OR56A3: variants seen among roughly 807,000 people sequenced by gnomAD.
OR56A3 encodes the protein olfactory receptor family 56 subfamily A member 3.
Under a neutral mutation model 17.5 loss-of-function variants are expected in OR56A3, and 23 were observed. The ratio of observed to expected loss-of-function variants is 1.32; its 90% CI spans 0.95 to 1.87. OR56A3 has a LOEUF of 1.87. OR56A3 is among the 40% of genes most tolerant of loss of function. The pLI is 0.00. For synonymous variants in OR56A3, 175 were observed against 150.6 expected (o/e 1.16, Z -1.19); for missense variants, 366 against 380.1 (o/e 0.96, Z 0.31).
At chr11:5,947,060 TA>T (rs137998845) in intron 2 of OR56A3, among the ~76,000 whole-genome samples, 32 of 151,862 alleles carry the variant, frequency 2.1e-4, no homozygotes, top group African/African-American at 7.7e-4. Context: ...TTAGTTTCTC[TA>T]AAAAAAACAA....
chr11:5,985,408 T>A, the OR56A3 span, among the ~76,000 whole-genome samples: 1 of 152,232 alleles, frequency 6.6e-6, no homozygotes, highest in Non-Finnish European at 1.5e-5. Context: ...CCACTTATGT[T>A]TGTTTTAAAT....
At chr11:5,971,512 C>CG in the OR56A3 span, among the ~76,000 whole-genome samples, 1 of 152,156 alleles carries the variant, frequency 6.6e-6, no homozygotes, top group Non-Finnish European at 1.5e-5. Context: ...TTATCTGATT[C>CG]AATTCCTCCT....
the OR56A3 span, chr11:5,985,954 G>A: frequency 5.6e-6 from 9 of 1,606,842 alleles, no homozygotes; most frequent in Non-Finnish European, 6.8e-6. Flanking sequence ...ATCCTTTTGT[G>A]TAAACACTCT....
chr11:5,986,717 A>T, the OR56A3 span: 2 of 1,613,964 alleles, frequency 1.2e-6, no homozygotes, highest in South Asian at 1.1e-5. Flanking sequence ...TGGTGCAAGG[A>T]TGGGTCCATC....
the OR56A3 span, among the ~76,000 whole-genome samples, chr11:5,972,207 G>A: frequency 2.6e-5 from 4 of 152,140 alleles, no homozygotes; most frequent in Non-Finnish European, 5.9e-5. Context: ...GGGCACACAT[G>A]CATGAAGTTC....
At chr11:5,967,014 TAAC>T in the OR56A3 span, among the ~76,000 whole-genome samples, 1 of 150,874 alleles carries the variant, frequency 6.6e-6, no homozygotes, top group African/African-American at 2.4e-5. Context: ...ATAAAAATAT[TAAC>T]AAGATCTGTC....
At chr11:6,003,280 T>C in the OR56A3 span, 3 of 567,008 alleles carry the variant, frequency 5.3e-6, no homozygotes, top group East Asian at 3.1e-5. Context: ...GGTAATAAAA[T>C]AGAGATAAGG....
the OR56A3 span, among the ~76,000 whole-genome samples, chr11:5,984,953 C>T: frequency 6.6e-6 from 1 of 152,194 alleles, no homozygotes; most frequent in East Asian, 1.9e-4. Context: ...GCAACATCAA[C>T]AAACAGGTTG....
At chr11:5,986,156 A>G in the OR56A3 span, 18 of 1,613,984 alleles carry the variant, frequency 1.1e-5, no homozygotes, top group Non-Finnish European at 1.5e-5. Flanking sequence ...TGAGAGCCAC[A>G]TGTGCTAAAC....
the OR56A3 span, among the ~76,000 whole-genome samples, chr11:5,956,697 C>T: frequency 1.3e-5 from 2 of 152,158 alleles, no homozygotes; most frequent in African/African-American, 4.8e-5. Context: ...TTCACAATCA[C>T]AGTATTGCTT....
the OR56A3 span, chr11:5,986,708 G>A: frequency 6.2e-7 from 1 of 1,613,934 alleles, no homozygotes; most frequent in Non-Finnish European, 8.5e-7. Flanking sequence ...TACATAGATT[G>A]GTGCAAGGAT....
chr11:5,982,757 T>G, the OR56A3 span, among the ~76,000 whole-genome samples: 81 of 152,236 alleles, frequency 5.3e-4, no homozygotes, highest in South Asian at 2.5e-3. Flanking sequence ...CTCCAAACAC[T>G]TCTCCCTGAT....
the OR56A3 span, among the ~76,000 whole-genome samples, chr11:6,013,250 C>T: frequency 2.6e-5 from 4 of 152,228 alleles, no homozygotes; most frequent in African/African-American, 9.6e-5. Flanking sequence ...GTGGCAGGGG[C>T]TCCAGGCCCT....
At chr11:6,004,813 A>AT in the OR56A3 span, among the ~76,000 whole-genome samples, 1 of 152,176 alleles carries the variant, frequency 6.6e-6, no homozygotes, top group Non-Finnish European at 1.5e-5. Flanking sequence ...GAATGGCTTA[A>AT]TCTATTTGAA....
the OR56A3 span, chr11:5,968,203 G>A: frequency 6.2e-7 from 1 of 1,614,234 alleles, no homozygotes; most frequent in Non-Finnish European, 8.5e-7. Flanking sequence ...AAGCAGGCAG[G>A]GAAGCTGATT....
In OR56A3 at chr11:5,948,337, A is replaced by G; in HGVS notation, c.*43A>G. ...CTGAATATCTAAAATAAGATAATTT[A>G]TTAATCACTTAATGAGTGAGTGGGC... On this transcript the variant is annotated 3_prime_UTR_variant, in exon 3 of 3. Transcript: ENST00000641160. 7.3e-7 allele frequency: 1 copy of G among 1,374,670 alleles called. No individual in the cohort carries two copies. Among genetic ancestry groups the G allele is most frequent in the Non-Finnish European group, 1.0e-6 (1 of 980,712 alleles). 85.2% of individuals were successfully genotyped at this position (1,374,670 alleles called of 1,614,324 possible).
chr11:6,017,508 G>A, the OR56A3 span, among the ~76,000 whole-genome samples: 1 of 152,228 alleles, frequency 6.6e-6, no homozygotes, highest in South Asian at 2.1e-4. Flanking sequence ...AGAATAGAAT[G>A]CTATGTTCAA....
the OR56A3 span, among the ~76,000 whole-genome samples, chr11:5,998,550 GA>G: frequency 2.0e-5 from 3 of 152,170 alleles, no homozygotes; most frequent in East Asian, 5.8e-4. Context: ...CAGAAGCAGC[GA>G]GTAATAACCG....
At chr11:6,015,751 T>C in the OR56A3 span, among the ~76,000 whole-genome samples, 1 of 152,342 alleles carries the variant, frequency 6.6e-6, no homozygotes, top group East Asian at 1.9e-4. Context: ...CACTTTTCCT[T>C]TGGCCAATTT....
Sources: gnomAD v4.1 joint callset for allele counts (sites outside exome capture counted in the v4.1 genomes callset) on GRCh38, gnomAD v4.1.1 for gene constraint, MANE v1.5 for transcripts, NCBI Gene and HGNC (gene_info 2026-07-23, HGNC 2026-07-21) for gene names.